Variants in FLT3 observed in about 807,000 individuals in gnomAD.
FLT3 encodes fms related receptor tyrosine kinase 3.
A neutral mutation model predicts 126.6 loss-of-function variants in FLT3; 46 were observed. The observed-to-expected ratio is 0.36, with a 90% CI of 0.29 to 0.46. The LOEUF (loss-of-function observed/expected upper bound fraction) is 0.46, where lower values mean the gene tolerates loss of function less well. Ranked by LOEUF, FLT3 falls within the 20% of genes least tolerant of loss-of-function variation. The pLI, the probability that FLT3 is intolerant of heterozygous loss-of-function variation, is 1.00. For missense variants in FLT3, 1,069 were observed against 1,190.3 expected (o/e 0.90, Z 1.50); for synonymous variants, 404 against 434.4 (o/e 0.93, Z 0.87).
At chr13:28,025,705 G>T (rs1872734946) in intron 17 of FLT3, among the ~76,000 whole-genome samples, 1 of 152,294 alleles carries the variant, frequency 6.6e-6, no homozygotes, top group Admixed American at 6.5e-5. Flanking sequence ...GACTCAGTAG[G>T]ATAGCCCCTC....
In FLT3 at chr13:28,003,279, G is replaced by C; in HGVS notation, c.*773C>G. 1 of 232,556 alleles carries C rather than the reference G, an allele frequency of 4.3e-6. No homozygotes were observed. The highest frequency in any genetic ancestry group is 8.5e-6 in the Non-Finnish European group (1 of 117,682). 14.4% of individuals were successfully genotyped at this position (232,556 alleles called of 1,614,324 possible). A position where few individuals can be genotyped will look rare whatever the true frequency, so the allele number is the denominator to read the frequency against. On this transcript the variant is annotated 3_prime_UTR_variant, in exon 24 of 24. Transcript: ENST00000241453. Reference sequence around the variant, plus strand: ...AAAAATAAAATGAAGGGGACTGTGGGGACAAGAGTAACTTTATTGAAAATA... The same window carrying C: ...AAAAATAAAATGAAGGGGACTGTGGCGACAAGAGTAACTTTATTGAAAATA...
At chr13:28,033,233 C>T (rs976658477) in intron 15 of FLT3, among the ~76,000 whole-genome samples, 2 of 149,494 alleles carry the variant, frequency 1.3e-5, no homozygotes, top group Admixed American at 6.6e-5. Context: ...CCAAGGAGGT[C>T]GAGGCTGCAG....
chr13:28,044,174 C>T (rs1201024979), intron 9 of FLT3, among the ~76,000 whole-genome samples: 1 of 143,322 alleles, frequency 7.0e-6, no homozygotes, highest in Non-Finnish European at 1.5e-5. Flanking sequence ...AAGGGCCAGG[C>T]GCGGTGGTTC....
chr13:28,014,489 G>A lies in FLT3; in HGVS notation c.2822C>T (p.Ser941Leu), dbSNP rs548609046. The A allele has an allele frequency of 5.4e-5, 87 of 1,613,974 alleles. No homozygotes were observed. The highest frequency in any genetic ancestry group is 2.3e-4 in the South Asian group (21 of 91,076). ...RKRPSFPNLTSFLGCQLADAE... is the reference protein window; with the variant it reads ...RKRPSFPNLTLFLGCQLADAE... ...ATCTGCCAGCTGACATCCTAAAAAC[G>A]AAGTCAAATTAGGGAAGGATGGCCG... Residue 941 changes from serine to leucine, a missense_variant, in exon 23 of 24, where the codon TCG becomes TTG. Coordinates refer to ENST00000241453, the MANE Select transcript of FLT3 (RefSeq NM_004119.3).
chr13:28,073,978 A>T (rs1316586242), intron 1 of FLT3, among the ~76,000 whole-genome samples: 2 of 151,616 alleles, frequency 1.3e-5, no homozygotes, highest in African/African-American at 4.8e-5. Flanking sequence ...AAAGAAAACA[A>T]TTTTTTTTAA....
intron 9 of FLT3, among the ~76,000 whole-genome samples, chr13:28,038,559 T>A (rs1394975028): frequency 6.7e-6 from 1 of 150,178 alleles, no homozygotes; most frequent in East Asian, 2.0e-4. Flanking sequence ...TTCCCACCAC[T>A]CTCCTGCCTC....
At chr13:28,043,190 CTT>C (rs10713103) in intron 9 of FLT3, among the ~76,000 whole-genome samples, 20 of 150,094 alleles carry the variant, frequency 1.3e-4, no homozygotes, top group African/African-American at 1.9e-4. Flanking sequence ...AGTCCTATTC[CTT>C]TTTTTTTTTC....
chr13:28,067,318 C>CCAAGTG (rs1566094572), intron 2 of FLT3, among the ~76,000 whole-genome samples: 59 of 152,328 alleles, frequency 3.9e-4, no homozygotes, highest in African/African-American at 1.4e-3. Context: ...CCACCGTGCC[C>CCAAGTG]AGCCCCTGTA....
chr13:28,020,133 C>T (rs1459825104), intron 19 of FLT3, among the ~76,000 whole-genome samples: 1 of 152,100 alleles, frequency 6.6e-6, no homozygotes, highest in African/African-American at 2.4e-5. Context: ...TCCATGCTTC[C>T]TATCCTATCC....
At chr13:28,038,502 G>A (rs540331724) in intron 9 of FLT3, among the ~76,000 whole-genome samples, 1 of 151,314 alleles carries the variant, frequency 6.6e-6, no homozygotes, top group African/African-American at 2.4e-5. Flanking sequence ...TCCCAGGCTG[G>A]AGTGCAGTGG....
chr13:28,023,239 G>A, intron 19 of FLT3, 111 bp downstream of exon 19: 1 of 1,126,240 alleles, frequency 8.9e-7, no homozygotes, highest in East Asian at 2.5e-5. Flanking sequence ...AGTGAACAGG[G>A]GAGAAAAGGC....
chr13:28,081,778 TTTCTC>T (rs952675788), intron 1 of FLT3, among the ~76,000 whole-genome samples: 63 of 151,828 alleles, frequency 4.1e-4, no homozygotes, highest in African/African-American at 8.0e-4. Flanking sequence ...GATAAGTTCT[TTTCTC>T]TTCTGTAATA....
intron 1 of FLT3, among the ~76,000 whole-genome samples, chr13:28,075,072 A>T (rs7322165): frequency 0.98 from 148,541 of 152,256 alleles, 72,551 homozygotes; most frequent in East Asian, 1. Flanking sequence ...TTTTTTAATG[A>T]GATTGCTCAT....
chr13:28,043,279 A>G (rs953022637), intron 9 of FLT3, among the ~76,000 whole-genome samples: 2 of 152,128 alleles, frequency 1.3e-5, no homozygotes, highest in Non-Finnish European at 2.9e-5. Context: ...ATACAAACTA[A>G]TGGGTGAAAT....
At chr13:28,041,454 C>T (rs764338651) in intron 9 of FLT3, among the ~76,000 whole-genome samples, 19 of 152,146 alleles carry the variant, frequency 1.2e-4, no homozygotes, top group Non-Finnish European at 2.5e-4. Flanking sequence ...ATTTTTCTTC[C>T]TCAGTCTTTT....
intron 9 of FLT3, among the ~76,000 whole-genome samples, chr13:28,045,732 G>A (rs1038531650): frequency 3.6e-4 from 54 of 152,040 alleles, no homozygotes; most frequent in African/African-American, 1.3e-3. Context: ...ATGGTGGCAT[G>A]CACCTATAAT....
Position 28,094,158 on chromosome 13 carries a change from G to T in FLT3, c.43+6310C>A, listed in dbSNP as rs371815066. Among the ~76,000 whole-genome samples, 6 of 152,274 alleles carry T rather than the reference G, an allele frequency of 3.9e-5. No homozygotes were observed. The East Asian group carries it at 1.2e-3, about 29-fold the overall frequency. Reference sequence around the variant, plus strand: ...CATTCTCTGCCACAGAAAACAGCACGTTTCTTAAATGTGTTTTTAGTCCTA... The same window carrying T: ...CATTCTCTGCCACAGAAAACAGCACTTTTCTTAAATGTGTTTTTAGTCCTA... On this transcript the variant is annotated intron_variant, in intron 1 of 23. Transcript: ENST00000241453.
At chr13:28,008,941 A>C (rs1336238884) in intron 23 of FLT3, among the ~76,000 whole-genome samples, 1 of 151,874 alleles carries the variant, frequency 6.6e-6, no homozygotes. Flanking sequence ...GATTGTTGCC[A>C]TTTTGTGTTT....
chr13:28,097,155 G>A (rs1031175186), intron 1 of FLT3, among the ~76,000 whole-genome samples: 3 of 151,948 alleles, frequency 2.0e-5, no homozygotes, highest in Admixed American at 6.6e-5. Flanking sequence ...GGTTGAAGCT[G>A]CAGTGAGCTG....
Sources: gnomAD v4.1 joint callset for allele counts (sites outside exome capture counted in the v4.1 genomes callset) on GRCh38, gnomAD v4.1.1 for gene constraint, MANE v1.5 for transcripts, NCBI Gene and HGNC (gene_info 2026-07-23, HGNC 2026-07-21) for gene names.